The following FMN1 variants were observed in gnomAD, a reference collection of about 807,000 sequenced individuals.
FMN1 encodes formin 1, also known as formin-1.
In FMN1, 110 loss-of-function variants were observed where a neutral mutation model predicts 132.4. The ratio of observed to expected loss-of-function variants is 0.83; its 90% CI spans 0.71 to 0.97. The LOEUF (loss-of-function observed/expected upper bound fraction) is 0.97. Ranked by LOEUF, FMN1 falls within the 50% of genes least tolerant of loss-of-function variation. The pLI, the probability that FMN1 is intolerant of heterozygous loss-of-function variation, is 0.00. For synonymous variants in FMN1, 722 were observed against 651.7 expected (o/e 1.11, Z -1.64); for missense variants, 1,792 against 1,705.3 (o/e 1.05, Z -0.90).
At chr15:32,839,083 T>C (rs2058690670) in intron 17 of FMN1, among the ~76,000 whole-genome samples, 1 of 152,080 alleles carries the variant, frequency 6.6e-6, no homozygotes, top group Non-Finnish European at 1.5e-5. Flanking sequence ...GCCTGTCACA[T>C]GGGACAGAGG....
intron 8 of FMN1, among the ~76,000 whole-genome samples, chr15:32,966,568 T>C (rs537306790): frequency 5.9e-5 from 9 of 152,252 alleles, no homozygotes; most frequent in African/African-American, 1.9e-4. Context: ...TATTTTTCCT[T>C]AAGTGTCTCT....
At chr15:33,156,653 G>A (rs2140291807) in intron 3 of FMN1, among the ~76,000 whole-genome samples, 1 of 152,142 alleles carries the variant, frequency 6.6e-6, no homozygotes, top group South Asian at 2.1e-4. Context: ...CATGTGTAGG[G>A]ATACTTAATA....
chr15:32,862,176 T>C (rs1596111792), intron 16 of FMN1, among the ~76,000 whole-genome samples: 1 of 151,906 alleles, frequency 6.6e-6, no homozygotes. Context: ...AGACTGGCAG[T>C]GCATAAAGGA....
intron 4 of FMN1, among the ~76,000 whole-genome samples, chr15:33,144,102 T>C (rs1409193585): frequency 6.6e-6 from 1 of 152,204 alleles, no homozygotes; most frequent in Non-Finnish European, 1.5e-5. Context: ...AAGGGGACCT[T>C]TGTTTTTCTT....
intron 4 of FMN1, among the ~76,000 whole-genome samples, chr15:33,149,090 T>G (rs12909562): frequency 0.017 from 2,535 of 151,468 alleles, 45 homozygotes; most frequent in Non-Finnish European, 0.02. Flanking sequence ...AGAAACAATA[T>G]AAAAATATGT....
chr15:33,034,210 A>G (rs1395370021), intron 6 of FMN1, among the ~76,000 whole-genome samples: 2 of 152,162 alleles, frequency 1.3e-5, no homozygotes, highest in African/African-American at 4.8e-5. Context: ...AGTTTAACAT[A>G]TCAGAAATGA....
At chr15:32,868,033 G>A (rs1206366411) in intron 16 of FMN1, among the ~76,000 whole-genome samples, 1 of 152,200 alleles carries the variant, frequency 6.6e-6, no homozygotes, top group Non-Finnish European at 1.5e-5. Context: ...ACTTACACAT[G>A]TGCAGTATGG....
chr15:32,784,088 C>T (rs968785591), intron 19 of FMN1, among the ~76,000 whole-genome samples: 1 of 152,068 alleles, frequency 6.6e-6, no homozygotes, highest in Admixed American at 6.5e-5. Context: ...TTGAGCACAC[C>T]AGCCAATCAA....
At chr15:33,006,087 G>A (rs1250251947) in intron 7 of FMN1, among the ~76,000 whole-genome samples, 3 of 151,982 alleles carry the variant, frequency 2.0e-5, no homozygotes, top group Admixed American at 6.5e-5. Flanking sequence ...CCAATACACC[G>A]ACTCAGTTAT....
chr15:33,068,280 C>T (rs1156839315), intron 5 of FMN1: 1 of 179,766 alleles, frequency 5.6e-6, no homozygotes, highest in East Asian at 1.4e-4. Flanking sequence ...CCGCCCCAGG[C>T]CGGCGGTTCT....
chr15:33,117,799 C>T (rs547809713), intron 4 of FMN1, among the ~76,000 whole-genome samples: 2 of 152,096 alleles, frequency 1.3e-5, no homozygotes, highest in African/African-American at 4.8e-5. Flanking sequence ...ACCACTAGAG[C>T]AAACAATGGT....
chr15:32,940,460 T>C (rs1045164252), intron 9 of FMN1, among the ~76,000 whole-genome samples: 13 of 151,538 alleles, frequency 8.6e-5, no homozygotes, highest in African/African-American at 2.9e-4. Flanking sequence ...AAGACTAGTT[T>C]AAAGAGGGCA....
intron 6 of FMN1, among the ~76,000 whole-genome samples, chr15:33,033,582 T>C (rs558745616): frequency 1.3e-5 from 2 of 152,248 alleles, no homozygotes; most frequent in Non-Finnish European, 1.5e-5. Context: ...CTTTCTGGCA[T>C]ACAAAAATGT....
chr15:32,945,563 C>T (rs2061492252), intron 9 of FMN1, among the ~76,000 whole-genome samples: 1 of 152,106 alleles, frequency 6.6e-6, no homozygotes, highest in Non-Finnish European at 1.5e-5. Flanking sequence ...GAGTGTTAGG[C>T]TTTTGGAAAG....
At chr15:33,034,454 G>A (rs982056947) in intron 6 of FMN1, among the ~76,000 whole-genome samples, 2 of 152,106 alleles carry the variant, frequency 1.3e-5, no homozygotes, top group African/African-American at 4.8e-5. Context: ...TCATGCGCCT[G>A]TAGTCCCAGC....
intron 16 of FMN1, among the ~76,000 whole-genome samples, chr15:32,868,213 G>A (rs1243648865): frequency 6.6e-6 from 1 of 152,190 alleles, no homozygotes; most frequent in African/African-American, 2.4e-5. Flanking sequence ...ACACTGTAGA[G>A]CAAGGCATTA....
intron 6 of FMN1, among the ~76,000 whole-genome samples, chr15:33,009,392 A>C (rs1361135218): frequency 6.6e-6 from 1 of 152,144 alleles, no homozygotes; most frequent in Non-Finnish European, 1.5e-5. Context: ...ACGCAATTAG[A>C]GTGAAATCAG....
Position 32,888,272 on chromosome 15 carries a change from ACT to A in FMN1, c.3733_3734del (p.Ser1245CysfsTer19). On this transcript the variant is annotated frameshift_variant, in exon 16 of 21. Transcript: ENST00000616417. LOFTEE classifies it high-confidence loss of function. ...YYDQEAGTEKSVFPLPEPQDF... is the reference protein window; with the variant it reads ...YYDQEAGTEKXVFPLPEPQDF... ...CCTGTGGTTCCGGCAAGGGGAAAAC[ACT>A]CTTTTCTGTTCCAGCTTCCTAAGAG... 1 of 1,612,194 alleles carries A rather than the reference ACT, an allele frequency of 6.2e-7. No individual in the cohort carries two copies.
chr15:32,877,705 C>T (rs2059670655), intron 16 of FMN1, among the ~76,000 whole-genome samples: 1 of 152,184 alleles, frequency 6.6e-6, no homozygotes, highest in Non-Finnish European at 1.5e-5. Context: ...CTGCTCAAGG[C>T]CATCAGTTTT....
Sources: allele counts gnomAD v4.1 joint callset (sites outside exome capture counted in the v4.1 genomes callset), GRCh38; gene constraint gnomAD v4.1.1; transcripts MANE v1.5; gene names NCBI Gene and HGNC (gene_info 2026-07-23, HGNC 2026-07-21).